MARCHF1: variants seen among roughly 807,000 people sequenced by gnomAD.
MARCHF1 encodes the protein E3 ubiquitin-protein ligase MARCHF1.
A neutral mutation model predicts 54.2 loss-of-function variants in MARCHF1; 40 were observed. That is an observed-to-expected ratio of 0.74 (90% CI 0.57 to 0.96). The LOEUF is 0.96. MARCHF1 is among the 40% of genes least tolerant of loss of function. The probability of loss-of-function intolerance (pLI) is 0.00; values close to 1 mark genes in which losing one functional copy is unlikely to be tolerated. For missense variants in MARCHF1, 586 were observed against 656.5 expected (o/e 0.89, Z 1.17); for synonymous variants, 236 against 236.3 (o/e 1.00, Z 0.01).
chr4:164,087,144 T>A (rs56239256), intron 2 of MARCHF1, among the ~76,000 whole-genome samples: 7,910 of 152,128 alleles, frequency 0.052, 693 homozygotes, highest in African/African-American at 0.18. Flanking sequence ...TGAATTTTGA[T>A]GTTTTGGTCA....
intron 9 of MARCHF1, among the ~76,000 whole-genome samples, chr4:163,537,060 ACAGC>A (rs1738560303): frequency 6.6e-6 from 1 of 152,160 alleles, no homozygotes; most frequent in Non-Finnish European, 1.5e-5. Flanking sequence ...TCTTTAACAG[ACAGC>A]CAGCTCTTTT....
chr4:163,951,209 C>G (rs1226661425), intron 3 of MARCHF1, among the ~76,000 whole-genome samples: 1 of 152,220 alleles, frequency 6.6e-6, no homozygotes, highest in Non-Finnish European at 1.5e-5. Context: ...TATATTTGCA[C>G]TTATCCATGA....
intron 1 of MARCHF1, among the ~76,000 whole-genome samples, chr4:164,289,668 C>T (rs1734240385): frequency 6.6e-6 from 1 of 151,224 alleles, no homozygotes. Context: ...GCTCCAGCAA[C>T]CTTCCCTCAC....
intron 2 of MARCHF1, among the ~76,000 whole-genome samples, chr4:163,991,534 C>G (rs958571473): frequency 6.6e-6 from 1 of 152,112 alleles, no homozygotes; most frequent in Non-Finnish European, 1.5e-5. Context: ...ATGCATTTCT[C>G]CTATGGGAGC....
intron 8 of MARCHF1, among the ~76,000 whole-genome samples, chr4:163,581,884 A>G (rs562711208): frequency 6.6e-6 from 1 of 152,328 alleles, no homozygotes; most frequent in Non-Finnish European, 1.5e-5. Flanking sequence ...TTTATTCATT[A>G]TCTTATTTTA....
chr4:163,636,067 A>G (rs1197340037), intron 5 of MARCHF1, among the ~76,000 whole-genome samples: 5 of 152,214 alleles, frequency 3.3e-5, no homozygotes, highest in Admixed American at 6.5e-5. Flanking sequence ...AAAACTCTCA[A>G]TAAATTAGGT....
intron 2 of MARCHF1, among the ~76,000 whole-genome samples, chr4:164,032,543 C>T (rs1370790597): frequency 6.6e-6 from 1 of 152,108 alleles, no homozygotes; most frequent in Non-Finnish European, 1.5e-5. Flanking sequence ...CTCTTTGATT[C>T]ATTGGTTTCA....
At chr4:163,942,664 C>T (rs1178462150) in intron 3 of MARCHF1, among the ~76,000 whole-genome samples, 2 of 152,154 alleles carry the variant, frequency 1.3e-5, no homozygotes, top group Non-Finnish European at 1.5e-5. Context: ...AAGGGATATG[C>T]ATCTTCAATA....
chr4:163,842,940 G>A (rs779296663), intron 4 of MARCHF1, among the ~76,000 whole-genome samples: 3 of 151,160 alleles, frequency 2.0e-5, no homozygotes, highest in Non-Finnish European at 2.9e-5. Context: ...TTGATGCGTG[G>A]TGTAAGAATG....
chr4:164,312,592 G>A (rs7669648), intron 1 of MARCHF1, among the ~76,000 whole-genome samples: 16,606 of 151,896 alleles, frequency 0.11, 1,492 homozygotes, highest in East Asian at 0.3. Context: ...AAAGTGCTGG[G>A]ATTACAGGGT....
At chr4:164,319,226 T>C (rs947796421) in intron 1 of MARCHF1, among the ~76,000 whole-genome samples, 1 of 152,208 alleles carries the variant, frequency 6.6e-6, no homozygotes, top group African/African-American at 2.4e-5. Flanking sequence ...ATTTAACTTA[T>C]ACTAGGTATT....
At chr4:164,280,075 T>C (rs983703717) in intron 1 of MARCHF1, among the ~76,000 whole-genome samples, 4 of 151,914 alleles carry the variant, frequency 2.6e-5, no homozygotes, top group African/African-American at 9.7e-5. Flanking sequence ...TTTGATTAAC[T>C]TTCAAATTCT....
chr4:164,000,166 G>C (rs760050700), intron 2 of MARCHF1, among the ~76,000 whole-genome samples: 10 of 151,628 alleles, frequency 6.6e-5, no homozygotes, highest in Non-Finnish European at 1.0e-4. Context: ...GCTATCATAA[G>C]TTTCTATACT....
chr4:164,040,748 T>C (rs992019103), intron 2 of MARCHF1, among the ~76,000 whole-genome samples: 33 of 152,086 alleles, frequency 2.2e-4, no homozygotes, highest in African/African-American at 8.0e-4. Flanking sequence ...CAAATGTTTG[T>C]TGTTACTTAC....
chr4:164,035,387 T>C (rs1298285392), intron 2 of MARCHF1, among the ~76,000 whole-genome samples: 2 of 151,780 alleles, frequency 1.3e-5, no homozygotes, highest in African/African-American at 2.4e-5. Flanking sequence ...GAGTTCTCCA[T>C]AGGTTTGAAA....
chr4:163,656,810 G>C (rs867094848), intron 5 of MARCHF1, among the ~76,000 whole-genome samples: 4 of 151,884 alleles, frequency 2.6e-5, no homozygotes, highest in Non-Finnish European at 5.9e-5. Flanking sequence ...AAAAATACAT[G>C]ATTATCTTAA....
intron 3 of MARCHF1, among the ~76,000 whole-genome samples, chr4:163,911,510 T>G (rs1327030637): frequency 6.6e-6 from 1 of 152,114 alleles, no homozygotes; most frequent in Non-Finnish European, 1.5e-5. Flanking sequence ...CACTTTTCAG[T>G]AGTAATTACA....
At chr4:163,920,610 C>A (rs1751408099) in intron 3 of MARCHF1, among the ~76,000 whole-genome samples, 1 of 152,136 alleles carries the variant, frequency 6.6e-6, no homozygotes, top group African/African-American at 2.4e-5. Context: ...CCAGGGAGAA[C>A]TCCTGTGCGC....
intron 8 of MARCHF1, among the ~76,000 whole-genome samples, chr4:163,573,500 C>A (rs1739917494): frequency 1.6e-5 from 2 of 123,398 alleles, no homozygotes; most frequent in African/African-American, 6.1e-5. Context: ...GTGTGATGTT[C>A]CCCTTCCTGT....
Sources: allele counts gnomAD v4.1 joint callset (sites outside exome capture counted in the v4.1 genomes callset), GRCh38; gene constraint gnomAD v4.1.1; transcripts MANE v1.5; gene names NCBI Gene and HGNC (gene_info 2026-07-23, HGNC 2026-07-21).